Variants in ZNF536 observed in about 807,000 individuals in gnomAD.
The protein encoded by ZNF536 is zinc finger protein 536.
Under a neutral mutation model 84.5 loss-of-function variants are expected in ZNF536, and 13 were observed. The observed-to-expected ratio is 0.15, with a 90% CI of 0.10 to 0.24. The LOEUF (loss-of-function observed/expected upper bound fraction) is 0.24, where lower values mean the gene tolerates loss of function less well. ZNF536 is among the 10% of genes least tolerant of loss of function. The pLI, the probability that ZNF536 is intolerant of heterozygous loss-of-function variation, is 1.00. For synonymous variants in ZNF536, 811 were observed against 742.5 expected, an observed-to-expected ratio of 1.09 and a Z score of -1.50; for missense variants, 1,536 against 1,747.5, an observed-to-expected ratio of 0.88 and a Z score of 2.16.
intron 1 of ZNF536, among the ~76,000 whole-genome samples, chr19:30,435,216 T>C (rs953147117): frequency 1.3e-5 from 2 of 151,240 alleles, no homozygotes; most frequent in African/African-American, 4.9e-5. Context: ...GTGATGATGA[T>C]GGTGATGATG....
intron 2 of ZNF536, among the ~76,000 whole-genome samples, chr19:30,338,732 C>T (rs934650937): frequency 6.6e-6 from 1 of 152,100 alleles, no homozygotes; most frequent in African/African-American, 2.4e-5. Flanking sequence ...AACTTGGACC[C>T]CACCAAGGAG....
intron 1 of ZNF536, among the ~76,000 whole-genome samples, chr19:30,437,313 T>TTTGTCATTGATATCACAGGAAATAGG (rs2051795688): frequency 6.6e-6 from 1 of 152,076 alleles, no homozygotes; most frequent in Non-Finnish European, 1.5e-5. Flanking sequence ...AGTGAAAACT[T>TTTGTCATTGATATCACAGGAAATAGG]TTGTCATTGA....
intron 3 of ZNF536, among the ~76,000 whole-genome samples, chr19:30,547,095 A>G (rs886114556): frequency 2.6e-5 from 4 of 152,224 alleles, no homozygotes; most frequent in Non-Finnish European, 4.4e-5. Flanking sequence ...TAAATTACAC[A>G]TTTTACTACC....
intron 2 of ZNF536, among the ~76,000 whole-genome samples, chr19:30,450,353 G>A (rs778233685): frequency 6.6e-6 from 1 of 152,148 alleles, no homozygotes; most frequent in East Asian, 1.9e-4. Context: ...CTGCAGAGCC[G>A]AAGACAGTCA....
At chr19:30,420,566 G>A (rs1033505267) in intron 1 of ZNF536, among the ~76,000 whole-genome samples, 1 of 152,138 alleles carries the variant, frequency 6.6e-6, no homozygotes, top group African/African-American at 2.4e-5. Flanking sequence ...ATTACAACAA[G>A]CCCGGCTGCC....
At chr19:30,512,182 T>C (rs1163360685) in intron 2 of ZNF536, among the ~76,000 whole-genome samples, 1 of 152,180 alleles carries the variant, frequency 6.6e-6, no homozygotes, top group Non-Finnish European at 1.5e-5. Flanking sequence ...ATTAGAACCA[T>C]AAAATATACT....
chr19:30,402,574 T>C (rs964570937), intron 1 of ZNF536, among the ~76,000 whole-genome samples: 1 of 151,760 alleles, frequency 6.6e-6, no homozygotes, highest in African/African-American at 2.4e-5. Flanking sequence ...GTTCTACCTC[T>C]CCCAGCCACC....
In ZNF536 at chr19:30,334,480, G is replaced by T. The variant is rs149206996; in HGVS notation, c.-119-17888G>T. Among the ~76,000 whole-genome samples the T allele has an allele frequency of 7.0e-4, 107 of 152,280 alleles. 2 individuals are homozygous for T. In the East Asian group the frequency reaches 0.019, roughly 27 times the overall value. On this transcript the variant is annotated intron_variant, in intron 2 of 5. Transcript: ENST00000585628. Reference sequence around the variant, plus strand: ...AAACAGAATCTTGGCTAAGATTGGGGCTAGGGTTGGTATTAGGACGTCTGG... The same window carrying T: ...AAACAGAATCTTGGCTAAGATTGGGTCTAGGGTTGGTATTAGGACGTCTGG...
At chr19:30,314,855 T>C (rs567358668) in intron 2 of ZNF536, among the ~76,000 whole-genome samples, 1 of 152,260 alleles carries the variant, frequency 6.6e-6, no homozygotes, top group Admixed American at 6.5e-5. Flanking sequence ...TTTGCTTGTC[T>C]ACACAGGTGG....
chr19:30,583,165 C>T (rs1352464756), intron 1 of ZNF536, among the ~76,000 whole-genome samples: 2 of 152,176 alleles, frequency 1.3e-5, no homozygotes, highest in Non-Finnish European at 2.9e-5. Context: ...CCCCATGGGC[C>T]TTATCAACAC....
At chr19:30,306,750 T>A (rs2046353513) in intron 2 of ZNF536, among the ~76,000 whole-genome samples, 1 of 152,260 alleles carries the variant, frequency 6.6e-6, no homozygotes, top group East Asian at 1.9e-4. Context: ...ACTTTCTGTA[T>A]GCAGCTGTGT....
chr19:30,478,383 G>A (rs1474479610), intron 2 of ZNF536, among the ~76,000 whole-genome samples: 1 of 152,018 alleles, frequency 6.6e-6, no homozygotes, highest in Non-Finnish European at 1.5e-5. Flanking sequence ...TCCGGGGTAG[G>A]GGGCTTCCTG....
intron 1 of ZNF536, among the ~76,000 whole-genome samples, chr19:30,270,838 T>A (rs931342131): frequency 2.0e-5 from 3 of 152,158 alleles, no homozygotes; most frequent in African/African-American, 7.2e-5. Flanking sequence ...TGGAGACCAT[T>A]TCATTATGCT....
intron 2 of ZNF536, among the ~76,000 whole-genome samples, chr19:30,534,384 C>A (rs2145923501): frequency 6.6e-6 from 1 of 152,280 alleles, no homozygotes; most frequent in African/African-American, 2.4e-5. Flanking sequence ...AGCCATATGT[C>A]TGCATGTCTT....
chr19:30,327,272 C>T (rs2047071087), intron 2 of ZNF536, among the ~76,000 whole-genome samples: 2 of 152,120 alleles, frequency 1.3e-5, no homozygotes, highest in Non-Finnish European at 2.9e-5. Context: ...GCTTGGGGTT[C>T]AGACCTCGGG....
At chr19:30,620,209 G>A (rs1368005345) in intron 1 of ZNF536, among the ~76,000 whole-genome samples, 1 of 152,158 alleles carries the variant, frequency 6.6e-6, no homozygotes, top group African/African-American at 2.4e-5. Flanking sequence ...TCAAGGGGCA[G>A]CCTCTGCTCT....
intron 1 of ZNF536, among the ~76,000 whole-genome samples, chr19:30,603,472 T>C (rs1367296733): frequency 6.6e-6 from 1 of 152,214 alleles, no homozygotes; most frequent in Non-Finnish European, 1.5e-5. Context: ...TGTTTACCTG[T>C]AAAAAATAGT....
intron 1 of ZNF536, among the ~76,000 whole-genome samples, chr19:30,389,220 G>A (rs2049476088): frequency 6.6e-6 from 1 of 152,226 alleles, no homozygotes; most frequent in Non-Finnish European, 1.5e-5. Flanking sequence ...GTTCTGGTTT[G>A]CGCAGCTTTT....
At chr19:30,446,531 C>T (rs375105842) in intron 2 of ZNF536, among the ~76,000 whole-genome samples, 2 of 152,124 alleles carry the variant, frequency 1.3e-5, no homozygotes, top group East Asian at 3.9e-4. Context: ...GCAGGCACCG[C>T]AGTCTCCCTC....
Sources: allele counts gnomAD v4.1 joint callset (sites outside exome capture counted in the v4.1 genomes callset), GRCh38; gene constraint gnomAD v4.1.1; transcripts MANE v1.5; gene names NCBI Gene and HGNC (gene_info 2026-07-23, HGNC 2026-07-21).